Variants in ENTPD5 observed in about 807,000 individuals in gnomAD.
ENTPD5 encodes the protein nucleoside diphosphate phosphatase ENTPD5.
Under a neutral mutation model 60.2 loss-of-function variants are expected in ENTPD5, and 49 were observed. The observed-to-expected ratio is 0.81, with a 90% CI of 0.65 to 1.03. ENTPD5 has a LOEUF of 1.03. Among genes scored for constraint, ENTPD5 ranks in the 50% least tolerant of loss-of-function variants. The pLI, the probability that ENTPD5 is intolerant of heterozygous loss-of-function variation, is 0.00. For synonymous variants in ENTPD5, 187 were observed against 185.4 expected (o/e 1.01, Z -0.07); for missense variants, 480 against 507.6 (o/e 0.95, Z 0.52).
downstream of ENTPD5, chr14:73,957,957 TGACA>T: frequency 6.8e-6 from 4 of 586,090 alleles, no homozygotes; most frequent in South Asian, 5.6e-5. Flanking sequence ...TGTCTTTTTT[TGACA>T]TTGAGTTATC....
At chr14:74,007,830 A>T (rs2058727369) in intron 3 of ENTPD5, 1 of 146,730 alleles carries the variant, frequency 6.8e-6, no homozygotes, top group South Asian at 2.3e-4. Context: ...TGAAAAAAAA[A>T]AATTTTTTTT....
chr14:73,957,723 GC>G (rs1291874773), downstream of ENTPD5, among the ~76,000 whole-genome samples: 2 of 152,116 alleles, frequency 1.3e-5, no homozygotes, highest in African/African-American at 2.4e-5. Flanking sequence ...AGCCACCCGT[GC>G]CTGGCCATAG....
intron 14 of ENTPD5, among the ~76,000 whole-genome samples, chr14:73,970,600 G>T (rs1416562390): frequency 6.6e-6 from 1 of 152,100 alleles, no homozygotes; most frequent in African/African-American, 2.4e-5. Context: ...CTGTAAGACC[G>T]CAGCTTCTGA....
intron 2 of ENTPD5, among the ~76,000 whole-genome samples, chr14:74,014,380 TCC>T (rs59571519): frequency 0.14 from 19,374 of 142,102 alleles, 1,908 homozygotes; most frequent in East Asian, 0.58. Context: ...CAGTCTTTAC[TCC>T]CCCCCCCCAC....
Position 73,976,304 on chromosome 14 carries a change from A to T in ENTPD5, c.642+20T>A. The T allele has an allele frequency of 6.2e-7, 1 of 1,608,864 alleles. No homozygotes were observed. The highest frequency in any genetic ancestry group is 1.1e-5 in the South Asian group (1 of 90,962). On this transcript the variant is annotated intron_variant, in intron 9 of 15. Transcript: ENST00000334696. ...GCCTGCCAAGTGCACTTCTAACCAG[A>T]TCTTCATTAAATGACTCACCTCAAA...
At chr14:73,992,805 C>T (rs1010792985) in intron 3 of ENTPD5, among the ~76,000 whole-genome samples, 9 of 151,890 alleles carry the variant, frequency 5.9e-5, no homozygotes, top group African/African-American at 2.2e-4. Context: ...GAGTACGAGA[C>T]CAGCCTGGGT....
At chr14:73,962,015 T>A, downstream of ENTPD5, 1 of 1,240,632 alleles carries the variant, frequency 8.1e-7, no homozygotes, top group Non-Finnish European at 1.2e-6. Flanking sequence ...TGGCACAATT[T>A]CCACTCACTG....
chr14:73,960,757 C>T (rs1451895458), downstream of ENTPD5: 5 of 424,544 alleles, frequency 1.2e-5, no homozygotes, highest in Non-Finnish European at 1.2e-5. Flanking sequence ...GGGGGAAACA[C>T]AGAGAAAGAC....
rs543484028 is a variant in ENTPD5, at chr14:73,996,107, C to T, written c.-70-7935G>A. 17 of 984,286 alleles carry T rather than the reference C, an allele frequency of 1.7e-5. No homozygotes were observed. The South Asian group carries it at 6.6e-4, about 38-fold the overall frequency. 61.0% of individuals were successfully genotyped at this position (984,286 alleles called of 1,614,324 possible). A position where few individuals can be genotyped will look rare whatever the true frequency, so the allele number is the denominator to read the frequency against. ...GACCTGGGCCCCATTCATGTGCTCA[C>T]CTGCTTGTGTCTGCCGGTTCCCTGA... On this transcript the variant is annotated intron_variant, in intron 3 of 15. Transcript: ENST00000334696.
At chr14:73,986,069 C>CAAAAAAAAA (rs534512335) in intron 5 of ENTPD5, among the ~76,000 whole-genome samples, 10 of 79,234 alleles carry the variant, frequency 1.3e-4, no homozygotes, top group East Asian at 2.7e-4. Flanking sequence ...GATACTCCGT[C>CAAAAAAAAA]AAAAAAAAAA....
intron 3 of ENTPD5, among the ~76,000 whole-genome samples, chr14:74,001,176 A>G (rs4899486): frequency 0.7 from 106,683 of 151,780 alleles, 38,012 homozygotes; most frequent in South Asian, 0.78. Flanking sequence ...TGGGCAACAT[A>G]GTGAAATGCT....
intron 11 of ENTPD5, 68 bp from the exon 12 acceptor site, chr14:73,974,046 G>T: frequency 7.5e-7 from 1 of 1,333,164 alleles, no homozygotes; most frequent in Non-Finnish European, 1.1e-6. Context: ...CAAGCAAGAA[G>T]CCAGTGAGGT....
intron 6 of ENTPD5, 140 bp downstream of exon 6, chr14:73,982,878 C>G (rs2057749328): frequency 1.3e-6 from 1 of 776,334 alleles, no homozygotes; most frequent in African/African-American, 1.7e-5. Flanking sequence ...CTAGCTATAA[C>G]AAGTGGTCAG....
At chr14:73,957,093 T>G (rs919254978), downstream of ENTPD5, among the ~76,000 whole-genome samples, 1 of 129,350 alleles carries the variant, frequency 7.7e-6, no homozygotes, top group Non-Finnish European at 1.8e-5. Flanking sequence ...CTTATTATTA[T>G]TATTATTATT....
intron 3 of ENTPD5, among the ~76,000 whole-genome samples, chr14:74,001,981 G>A (rs1270726002): frequency 6.6e-6 from 1 of 152,122 alleles, no homozygotes; most frequent in African/African-American, 2.4e-5. Flanking sequence ...GATAAAGATT[G>A]TGGTCAAAGA....
Position 73,971,835 on chromosome 14 carries a change from C to CT in ENTPD5, c.1084+16dup. The CT allele has an allele frequency of 6.3e-7, 1 of 1,588,186 alleles. No individual in the cohort carries two copies. Among genetic ancestry groups the CT allele is most frequent in the African/African-American group, 1.3e-5 (1 of 74,542 alleles). ...AGTCTCACAGGCTTACCTTCAAGGG[C>CT]TTCCCCTGACACTTACCTTCCCTGG... is the stretch of plus-strand genomic sequence containing the variant. On this transcript the variant is annotated intron_variant, in intron 14 of 15. Transcript: ENST00000334696.
chr14:74,014,300 C>T (rs1015968004), intron 2 of ENTPD5, among the ~76,000 whole-genome samples: 7 of 152,044 alleles, frequency 4.6e-5, no homozygotes, highest in Non-Finnish European at 8.8e-5. Context: ...TGGCTCACAA[C>T]TATAATTCCA....
downstream of ENTPD5, chr14:73,959,991 G>A (rs903835961): frequency 3.9e-6 from 4 of 1,034,744 alleles, no homozygotes; most frequent in Non-Finnish European, 4.7e-6. Flanking sequence ...CAAAACAATA[G>A]AAATAATAAA....
chr14:73,958,028 A>T, downstream of ENTPD5: 2 of 830,320 alleles, frequency 2.4e-6, no homozygotes, highest in Admixed American at 1.7e-5. Flanking sequence ...TGATTTTTTT[A>T]ATCTTAAATG....
Sources: allele counts gnomAD v4.1 joint callset (sites outside exome capture counted in the v4.1 genomes callset), GRCh38; gene constraint gnomAD v4.1.1; transcripts MANE v1.5; gene names NCBI Gene and HGNC (gene_info 2026-07-23, HGNC 2026-07-21).